TENM2: variants seen among roughly 807,000 people sequenced by gnomAD.
The protein encoded by TENM2 is teneurin transmembrane protein 2, also known as teneurin-2.
Under a neutral mutation model 245.2 loss-of-function variants are expected in TENM2, and 52 were observed. That is an observed-to-expected ratio of 0.21 (90% CI 0.17 to 0.27). The LOEUF is 0.27. TENM2 is among the 10% of genes least tolerant of loss of function. The pLI, the probability that TENM2 is intolerant of heterozygous loss-of-function variation, is 1.00. For synonymous variants in TENM2, 1,363 were observed against 1,438.9 expected (o/e 0.95, Z 1.19); for missense variants, 3,046 against 3,666.8 (o/e 0.83, Z 4.37).
At chr5:167,704,204 T>C (rs1321763712) in intron 2 of TENM2, among the ~76,000 whole-genome samples, 1 of 152,156 alleles carries the variant, frequency 6.6e-6, no homozygotes, top group Non-Finnish European at 1.5e-5. Context: ...GGAGGATGCA[T>C]CTTCTCCACT....
At chr5:167,614,949 G>A (rs935667829) in intron 2 of TENM2, among the ~76,000 whole-genome samples, 9 of 152,068 alleles carry the variant, frequency 5.9e-5, no homozygotes, top group African/African-American at 2.2e-4. Flanking sequence ...CGTCACTGAC[G>A]GCTCTGACTG....
the TENM2 span, among the ~76,000 whole-genome samples, chr5:167,038,370 G>A: frequency 6.6e-6 from 1 of 152,150 alleles, no homozygotes; most frequent in African/African-American, 2.4e-5. Context: ...CAGAGGAAGG[G>A]GAGAAATGTA....
intron 1 of TENM2, among the ~76,000 whole-genome samples, chr5:167,325,881 A>G (rs1757046199): frequency 6.6e-6 from 1 of 152,198 alleles, no homozygotes; most frequent in South Asian, 2.1e-4. Flanking sequence ...AAATTTTTTA[A>G]AAAGATAATT....
chr5:167,876,332 T>C (rs1159682295), intron 3 of TENM2, 137 bp downstream of exon 5: 14 of 723,182 alleles, frequency 1.9e-5, no homozygotes, highest in Non-Finnish European at 1.4e-5. Flanking sequence ...CATTTGTCAT[T>C]TTGTGGCATG....
intron 2 of TENM2, among the ~76,000 whole-genome samples, chr5:167,643,006 T>C (rs148910299): frequency 9.2e-5 from 14 of 152,330 alleles, no homozygotes; most frequent in Admixed American, 3.9e-4. Context: ...GATGTGACTT[T>C]GTAATGACAC....
At chr5:167,031,006 G>A in the TENM2 span, among the ~76,000 whole-genome samples, 1 of 152,172 alleles carries the variant, frequency 6.6e-6, no homozygotes, top group African/African-American at 2.4e-5. Context: ...CGCTTCCTGG[G>A]CATTTCTCTG....
the TENM2 span, among the ~76,000 whole-genome samples, chr5:167,058,767 G>A: frequency 1.3e-5 from 2 of 151,016 alleles, no homozygotes; most frequent in Non-Finnish European, 3.0e-5. Context: ...GGGGGGCGGG[G>A]AAAAAAAAGA....
At chr5:167,845,290 CCACTCTCTCTCTCTGAATTTT>C (rs1769946026) in intron 2 of TENM2, among the ~76,000 whole-genome samples, 1 of 134,604 alleles carries the variant, frequency 7.4e-6, no homozygotes, top group Admixed American at 7.9e-5. Context: ...CAACACGGCC[CCACTCTCTCTCTCTGAATTTT>C]TCAGGCCATT....
chr5:167,562,529 A>C (rs1340695131), intron 2 of TENM2, among the ~76,000 whole-genome samples: 1 of 152,132 alleles, frequency 6.6e-6, no homozygotes, highest in Non-Finnish European at 1.5e-5. Flanking sequence ...TTGTCCACAC[A>C]CCTGAACTGA....
exon 1 of TENM2, chr5:167,284,993 C>T: frequency 6.4e-7 from 1 of 1,552,080 alleles, no homozygotes; most frequent in South Asian, 1.2e-5. Context: ...ATGACCATGA[C>T]AGCAGGATGC....
intron 2 of TENM2, among the ~76,000 whole-genome samples, chr5:167,430,527 CG>C (rs937499516): frequency 3.2e-4 from 49 of 152,140 alleles, no homozygotes; most frequent in African/African-American, 1.1e-3. Context: ...CCGGAGATGG[CG>C]GGGGGTCTGG....
intron 4 of TENM2, among the ~76,000 whole-genome samples, chr5:167,968,971 A>T (rs990854860): frequency 6.6e-6 from 1 of 152,198 alleles, no homozygotes; most frequent in African/African-American, 2.4e-5. Flanking sequence ...CAGAATCCAT[A>T]CAAGGAGACA....
chr5:167,711,568 C>A (rs1758910134), intron 2 of TENM2, among the ~76,000 whole-genome samples: 1 of 152,188 alleles, frequency 6.6e-6, no homozygotes, highest in Non-Finnish European at 1.5e-5. Context: ...CCCACCTTGC[C>A]AATCACATCC....
At chr5:168,205,262 T>G (rs1440262737) in intron 19 of TENM2, among the ~76,000 whole-genome samples, 2 of 152,082 alleles carry the variant, frequency 1.3e-5, no homozygotes, top group Admixed American at 6.5e-5. Flanking sequence ...GGGGCAAAAT[T>G]TCATTCAACA....
rs559470484 is a variant in TENM2 at position 167,365,591 on chromosome 5, T to TA, written c.227-9600dup. On this transcript the variant is annotated intron_variant, in intron 1 of 28. Transcript: ENST00000518659. ...AATACTGTTAGAGATTTACACATATTAAAAAAAGTCATAAATGTTTGTGAA... is the reference window on the plus strand; with the variant it reads ...AATACTGTTAGAGATTTACACATATTAAAAAAAAGTCATAAATGTTTGTGAA... Among the ~76,000 whole-genome samples the TA allele has an allele frequency of 6.6e-5, 10 of 151,950 alleles. No individual in the cohort carries two copies. In the East Asian group the frequency reaches 1.7e-3, roughly 26 times the overall value.
chr5:168,203,598 C>G, intron 17 of TENM2, 91 bp from the exon 20 acceptor site: 2 of 1,328,326 alleles, frequency 1.5e-6, no homozygotes, highest in Non-Finnish European at 2.1e-6. Flanking sequence ...TTACTGCGAA[C>G]ACGTGCTTCT....
the TENM2 span, among the ~76,000 whole-genome samples, chr5:167,237,906 G>A: frequency 1.9e-4 from 29 of 151,462 alleles, no homozygotes; most frequent in African/African-American, 7.0e-4. Flanking sequence ...AGCTACTCAG[G>A]AGGCTGAGCC....
At chr5:167,809,144 G>A (rs1321646100) in intron 2 of TENM2, among the ~76,000 whole-genome samples, 1 of 152,124 alleles carries the variant, frequency 6.6e-6, no homozygotes, top group East Asian at 1.9e-4. Flanking sequence ...AGTGATGGGG[G>A]ACAGAAAAGA....
chr5:167,886,339 A>T (rs1399489846), intron 3 of TENM2, among the ~76,000 whole-genome samples: 3 of 152,236 alleles, frequency 2.0e-5, no homozygotes, highest in Non-Finnish European at 4.4e-5. Context: ...AATAAAATGT[A>T]GTCATCATTT....
Sources: gnomAD v4.1 joint callset for allele counts (sites outside exome capture counted in the v4.1 genomes callset) on GRCh38, gnomAD v4.1.1 for gene constraint, MANE v1.5 for transcripts, NCBI Gene and HGNC (gene_info 2026-07-23, HGNC 2026-07-21) for gene names.